TEAD1: variants seen among roughly 807,000 people sequenced by gnomAD.
TEAD1 encodes the protein transcriptional enhancer factor TEF-1.
A neutral mutation model predicts 54.9 loss-of-function variants in TEAD1; 9 were observed. The observed-to-expected ratio is 0.16, with a 90% CI of 0.10 to 0.29. The LOEUF (loss-of-function observed/expected upper bound fraction) is 0.29, where lower values mean the gene tolerates loss of function less well. Ranked by LOEUF, TEAD1 falls within the 10% of genes least tolerant of loss-of-function variation. The pLI is 1.00. For missense variants in TEAD1, 387 were observed against 535.9 expected (o/e 0.72, Z 2.74); for synonymous variants, 200 against 187.8 (o/e 1.07, Z -0.53).
At chr11:12,748,728 T>C (rs1944803686) in intron 2 of TEAD1, among the ~76,000 whole-genome samples, 1 of 152,044 alleles carries the variant, frequency 6.6e-6, no homozygotes, top group African/African-American at 2.4e-5. Context: ...GACTAGGTTG[T>C]TGGCAGTGGC....
chr11:12,740,561 G>A (rs1944629863), intron 2 of TEAD1, among the ~76,000 whole-genome samples: 1 of 152,082 alleles, frequency 6.6e-6, no homozygotes, highest in South Asian at 2.1e-4. Context: ...GGTTAGGGAG[G>A]CCTCAGGAAA....
intron 2 of TEAD1, among the ~76,000 whole-genome samples, chr11:12,699,009 T>G (rs1943642272): frequency 6.6e-6 from 1 of 152,188 alleles, no homozygotes; most frequent in Non-Finnish European, 1.5e-5. Context: ...GACTTGCCTA[T>G]TCAGAAATTA....
chr11:12,809,659 A>G (rs1276486761), intron 3 of TEAD1, among the ~76,000 whole-genome samples: 2 of 152,194 alleles, frequency 1.3e-5, no homozygotes, highest in East Asian at 3.9e-4. Flanking sequence ...TAGGCATAAA[A>G]TGACAGTGCT....
chr11:12,743,413 T>G (rs1944684659), intron 2 of TEAD1, among the ~76,000 whole-genome samples: 1 of 152,236 alleles, frequency 6.6e-6, no homozygotes, highest in African/African-American at 2.4e-5. Context: ...TGATTAATGA[T>G]CTGAAAGTTC....
chr11:12,818,180 A>T (rs1346118083), intron 3 of TEAD1, among the ~76,000 whole-genome samples: 1 of 152,192 alleles, frequency 6.6e-6, no homozygotes, highest in African/African-American at 2.4e-5. Context: ...ATGGAATTGC[A>T]TGCTTACTTT....
intron 3 of TEAD1, among the ~76,000 whole-genome samples, chr11:12,812,004 A>G (rs1004152483): frequency 6.6e-6 from 1 of 152,106 alleles, no homozygotes; most frequent in Admixed American, 6.5e-5. Context: ...TAAGCTGAAA[A>G]GAGCCCCTGA....
chr11:12,924,612 A>G (rs148267271), intron 10 of TEAD1, among the ~76,000 whole-genome samples: 145 of 152,330 alleles, frequency 9.5e-4, no homozygotes, highest in Non-Finnish European at 1.7e-3. Flanking sequence ...CTTTCTGTGC[A>G]TATTTCAAAG....
chr11:12,727,610 A>T (rs1038202615), intron 2 of TEAD1, among the ~76,000 whole-genome samples: 21 of 152,232 alleles, frequency 1.4e-4, no homozygotes, highest in African/African-American at 5.1e-4. Flanking sequence ...CATATATACC[A>T]TACTCTGTAC....
chr11:12,817,485 T>C (rs1472646385), intron 3 of TEAD1, among the ~76,000 whole-genome samples: 1 of 152,208 alleles, frequency 6.6e-6, no homozygotes, highest in Non-Finnish European at 1.5e-5. Context: ...ACGGAGTGTT[T>C]ACACCATCTA....
chr11:12,716,859 T>G (rs1246953246), intron 2 of TEAD1, among the ~76,000 whole-genome samples: 2 of 152,240 alleles, frequency 1.3e-5, no homozygotes, highest in African/African-American at 4.8e-5. Context: ...TTCTAAGTCA[T>G]CAGCAGAGAA....
chr11:12,690,291 G>C (rs1387038141), intron 2 of TEAD1, among the ~76,000 whole-genome samples: 1 of 150,922 alleles, frequency 6.6e-6, no homozygotes, highest in Non-Finnish European at 1.5e-5. Flanking sequence ...CAAATATCTA[G>C]TCACTGTTTG....
At chr11:12,817,393 T>C (rs1019298943) in intron 3 of TEAD1, among the ~76,000 whole-genome samples, 1 of 152,244 alleles carries the variant, frequency 6.6e-6, no homozygotes, top group African/African-American at 2.4e-5. Context: ...GAGACTGGCA[T>C]GTACCTAATT....
At chr11:12,800,157 C>T (rs866907781) in intron 3 of TEAD1, among the ~76,000 whole-genome samples, 3 of 152,182 alleles carry the variant, frequency 2.0e-5, no homozygotes, top group South Asian at 4.1e-4. Flanking sequence ...GAGAGCCCAT[C>T]TGTCGTGCCA....
chr11:12,719,721 G>A (rs180934316), intron 2 of TEAD1, among the ~76,000 whole-genome samples: 1 of 152,084 alleles, frequency 6.6e-6, no homozygotes, highest in Non-Finnish European at 1.5e-5. Context: ...TTGGACATGG[G>A]GTAGGGGTAT....
intron 2 of TEAD1, among the ~76,000 whole-genome samples, chr11:12,720,481 G>C (rs1208895975): frequency 6.6e-6 from 1 of 152,138 alleles, no homozygotes; most frequent in Admixed American, 6.5e-5. Context: ...CAGGCCCCTG[G>C]TGAGTACTTT....
At chr11:12,897,545 C>T (rs772880222) in intron 9 of TEAD1, among the ~76,000 whole-genome samples, 4 of 152,168 alleles carry the variant, frequency 2.6e-5, no homozygotes, top group African/African-American at 4.8e-5. Flanking sequence ...GAAACAGAGT[C>T]ACCACCTCTT....
intron 3 of TEAD1, among the ~76,000 whole-genome samples, chr11:12,791,983 C>T (rs1286417277): frequency 6.6e-6 from 1 of 152,138 alleles, no homozygotes; most frequent in Non-Finnish European, 1.5e-5. Flanking sequence ...AACAAATGAA[C>T]TACACATGAA....
chr11:12,796,245 A>G (rs1045336530), intron 3 of TEAD1, among the ~76,000 whole-genome samples: 1 of 152,230 alleles, frequency 6.6e-6, no homozygotes, highest in East Asian at 1.9e-4. Context: ...TTGGGAGAAC[A>G]TGAAAGGTGG....
chr11:12,720,895 A>G (rs892809964), intron 2 of TEAD1, among the ~76,000 whole-genome samples: 6 of 152,218 alleles, frequency 3.9e-5, no homozygotes, highest in African/African-American at 1.4e-4. Context: ...CTCTCTGACC[A>G]TGACTTGTCT....
Sources: allele counts gnomAD v4.1 joint callset (sites outside exome capture counted in the v4.1 genomes callset), GRCh38; gene constraint gnomAD v4.1.1; transcripts MANE v1.5; gene names NCBI Gene and HGNC (gene_info 2026-07-23, HGNC 2026-07-21).